The following URB2 variants were observed in gnomAD, a reference collection of about 807,000 sequenced individuals.
The protein encoded by URB2 is unhealthy ribosome biogenesis protein 2 homolog.
A neutral mutation model predicts 120.9 loss-of-function variants in URB2; 86 were observed. That is an observed-to-expected ratio of 0.71 (90% CI 0.60 to 0.85). The LOEUF (loss-of-function observed/expected upper bound fraction) is 0.85, where lower values mean the gene tolerates loss of function less well. URB2 is among the 40% of genes least tolerant of loss of function. URB2 has a pLI of 0.00. For synonymous variants in URB2, 755 were observed against 758.4 expected (o/e 1.00, Z 0.07); for missense variants, 1,765 against 1,836.5 (o/e 0.96, Z 0.71).
intron 9 of URB2, among the ~76,000 whole-genome samples, chr1:229,657,431 C>G (rs1666430617): frequency 6.6e-6 from 1 of 152,194 alleles, no homozygotes; most frequent in Non-Finnish European, 1.5e-5. Context: ...AGGTTCAAGT[C>G]TTAGCGCTGC....
intron 2 of URB2, among the ~76,000 whole-genome samples, chr1:229,630,963 CAA>C (rs1665648937): frequency 2.9e-5 from 3 of 102,420 alleles, no homozygotes; most frequent in African/African-American, 1.2e-4. Flanking sequence ...GCCTGGGTGA[CAA>C]GAGCGAAACT....
intron 3 of URB2, 81 bp from the exon 4 acceptor site, chr1:229,634,836 T>A: frequency 7.8e-7 from 1 of 1,285,198 alleles, no homozygotes; most frequent in Non-Finnish European, 1.0e-6. Context: ...GTGAGTTTGT[T>A]GATTTTTTTT....
chr1:229,631,003 A>G (rs1415718678), intron 2 of URB2, among the ~76,000 whole-genome samples: 1 of 150,946 alleles, frequency 6.6e-6, no homozygotes, highest in African/African-American at 2.4e-5. Flanking sequence ...AAAAAAAAAA[A>G]AAGAAAGTCC....
Position 229,654,237 on chromosome 1 carries a change from T to C in URB2, c.4238-12T>C, listed in dbSNP as rs774831166. On this transcript the variant is annotated splice_polypyrimidine_tract_variant and intron_variant, in intron 8 of 9. Transcript: ENST00000258243. ...TGAACTAATTGGTTGGGAAACACTT[T>C]GTTGTCTGTAGGAAGCATAGATGAC... 1 of 1,612,700 alleles carries C rather than the reference T, an allele frequency of 6.2e-7. No homozygotes were observed. The highest frequency in any genetic ancestry group is 1.1e-5 in the South Asian group (1 of 90,970).
In URB2 at chr1:229,654,235, T is replaced by A; in HGVS notation, c.4238-14T>A. ...TTTGAACTAATTGGTTGGGAAACAC[T>A]TTGTTGTCTGTAGGAAGCATAGATG... On this transcript the variant is annotated splice_polypyrimidine_tract_variant and intron_variant, in intron 8 of 9. Transcript: ENST00000258243. 6.2e-7 allele frequency: 1 copy of A among 1,612,546 alleles called. No individual in the cohort carries two copies.
At chr1:229,651,854 T>C (rs1393929122) in intron 8 of URB2, among the ~76,000 whole-genome samples, 1 of 152,204 alleles carries the variant, frequency 6.6e-6, no homozygotes. Flanking sequence ...TTGATTCTTG[T>C]TGAATTTCTA....
At chr1:229,632,228 C>G (rs775611355) in intron 2 of URB2, 41 bp from the exon 3 acceptor site, 2 of 1,476,494 alleles carry the variant, frequency 1.4e-6, no homozygotes, top group Admixed American at 2.6e-5. Context: ...TTTCTCTCAG[C>G]AAATAAATTT....
At position 229,643,790 on chromosome 1, in the gene URB2, A is replaced by T. The variant is rs1666069956; in HGVS notation, c.3795+97A>T. On this transcript the variant is annotated intron_variant, in intron 5 of 9. Transcript: ENST00000258243. ...GATGTGGTGTCACCCTTAAAACTAA[A>T]CAAGTTCTAACTGGTAGAGACTCTA... 2.0e-6 allele frequency: 3 copies of T among 1,465,864 alleles called. No individual in the cohort carries two copies. The East Asian group carries it at 6.9e-5, about 34-fold the overall frequency. 90.8% of individuals were successfully genotyped at this position (1,465,864 alleles called of 1,614,324 possible). A position where few individuals can be genotyped will look rare whatever the true frequency, so the allele number is the denominator to read the frequency against.
At chr1:229,638,801 C>T (rs1448150612) in intron 4 of URB2, among the ~76,000 whole-genome samples, 5 of 152,170 alleles carry the variant, frequency 3.3e-5, no homozygotes, top group Non-Finnish European at 5.9e-5. Flanking sequence ...CAGCCTCCTC[C>T]GTATGTTGCT....
intron 5 of URB2, 93 bp from the exon 6 acceptor site, chr1:229,645,766 C>T (rs1666129198): frequency 1.8e-6 from 2 of 1,115,368 alleles, no homozygotes; most frequent in South Asian, 1.3e-5. Flanking sequence ...CACTCCAACG[C>T]CACAGCCCCA....
chr1:229,636,869 C>T lies in URB2; in HGVS notation c.2256C>T (p.Ser752=), dbSNP rs746393159. The T allele has an allele frequency of 3.1e-6, 5 of 1,611,116 alleles. No individual in the cohort carries two copies. The Admixed American group carries it at 5.0e-5, about 16-fold the overall frequency. Residue 752 remains serine (S), a synonymous_variant, in exon 4 of 10, where the codon TCC becomes TCT. Transcript: ENST00000258243. ...TGTCAAATCTCACAATTTTAATATC[C>T]TATCTGTGTCCAGATGATGTGGGAT... ...LIVSNLTILI[S]YLCPDDVGYL...
intron 9 of URB2, among the ~76,000 whole-genome samples, chr1:229,658,588 T>C (rs1461893392): frequency 5.3e-5 from 8 of 152,156 alleles, no homozygotes; most frequent in Non-Finnish European, 1.2e-4. Flanking sequence ...GTGGTCTGTT[T>C]TGGTAGTTTC....
chr1:229,628,401 C>T (rs990370301), intron 2 of URB2, among the ~76,000 whole-genome samples: 11 of 151,644 alleles, frequency 7.3e-5, no homozygotes, highest in African/African-American at 2.4e-4. Flanking sequence ...CCAGCCTGGG[C>T]GATAGAGCAA....
chr1:229,637,703 C>T lies in URB2; in HGVS notation c.3090C>T (p.Leu1030=), dbSNP rs138096974. Residue 1030 remains leucine, a synonymous_variant, in exon 4 of 10, where the codon CTC becomes CTT. Transcript: ENST00000258243. ...VLNFRKITAF[L]SSSKPYTEAA... ...ATTTTAGAAAAATCACCGCATTCCT[C>T]TCTAGTTCCAAACCATACACGGAGG... 1 of 1,614,248 alleles carries T rather than the reference C, an allele frequency of 6.2e-7. No individual in the cohort carries two copies. Among genetic ancestry groups the T allele is most frequent in the Non-Finnish European group, 8.5e-7 (1 of 1,180,038 alleles).
rs1316218246 is a variant in URB2 at position 229,635,678 on chromosome 1, A to C, written c.1065A>C (p.Thr355=). Residue 355 remains threonine, a synonymous_variant, in exon 4 of 10, where the codon ACA becomes ACC. Transcript: ENST00000258243. ...SKALSTSDWT[T]ELLVVEQLLN... ...CCCTGTCCACATCAGATTGGACCAC[A>C]GAGCTTTTGGTTGTGGAACAGCTAC... 1.9e-6 allele frequency: 3 copies of C among 1,614,090 alleles called. No individual in the cohort carries two copies. The highest frequency in any genetic ancestry group is 1.3e-5 in the African/African-American group (1 of 74,948).
Position 229,632,378 on chromosome 1 carries a change from A to T in URB2, c.236A>T (p.His79Leu). The change falls in exon 3 of 10, where the codon CAT (histidine) becomes CTT (leucine). Residue 79 changes from histidine to leucine, a missense_variant. His to Leu is a moderately conservative substitution (Grantham distance 99). Transcript: ENST00000258243. ...RLWIYIDNILHSRKLQNLLKN... is the reference protein window; with the variant it reads ...RLWIYIDNILLSRKLQNLLKN... ...TGGATCTATATAGATAACATTTTACATAGCAGAAAATTGCAGAATCTCCTC... is the reference window on the plus strand; with the variant it reads ...TGGATCTATATAGATAACATTTTACTTAGCAGAAAATTGCAGAATCTCCTC... 1 of 1,586,996 alleles carries T rather than the reference A, an allele frequency of 6.3e-7. No individual in the cohort carries two copies. Among genetic ancestry groups the T allele is most frequent in the African/African-American group, 1.4e-5 (1 of 73,488 alleles).
At position 229,659,828 on chromosome 1, in the gene URB2, G is replaced by C. The variant is rs995613600; in HGVS notation, c.*531G>C. On this transcript the variant is annotated 3_prime_UTR_variant, in exon 10 of 10. Coordinates refer to ENST00000258243, the MANE Select transcript of URB2 (RefSeq NM_014777.4). Reference sequence around the variant, plus strand: ...TTAGAGTCTGTGGCCTGAGGTGTCTGCTCTGGGTGGCGATAGTGGGCACCT... The same window carrying C: ...TTAGAGTCTGTGGCCTGAGGTGTCTCCTCTGGGTGGCGATAGTGGGCACCT... 1 of 152,778 alleles carries C rather than the reference G, an allele frequency of 6.5e-6. No homozygotes were observed. Among genetic ancestry groups the C allele is most frequent in the Non-Finnish European group, 1.5e-5 (1 of 68,444 alleles). 9.5% of individuals were successfully genotyped at this position (152,778 alleles called of 1,614,324 possible). A position where few individuals can be genotyped will look rare whatever the true frequency, so the allele number is the denominator to read the frequency against.
chr1:229,635,406 G>T lies in URB2; in HGVS notation c.793G>T (p.Asp265Tyr). 1 of 1,614,068 alleles carries T rather than the reference G, an allele frequency of 6.2e-7. No individual in the cohort carries two copies. ...KEGLLDQQQG[D>Y]VKTGAMKNLL... is the part of the protein sequence containing the mutation. ...GGGGCTCTTGGACCAGCAGCAAGGG[G>T]ATGTGAAGACGGGAGCCATGAAGAA... The change falls in exon 4 of 10, where the codon GAT (aspartate) becomes TAT (tyrosine). Residue 265 changes from aspartate (D) to tyrosine (Y), a missense_variant. Coordinates refer to ENST00000258243, the MANE Select transcript of URB2 (RefSeq NM_014777.4).
rs777345928 is a variant in URB2 at position 229,636,986 on chromosome 1, A to G, written c.2373A>G (p.Ile791Met). The stretch of plus-strand genomic sequence containing the variant: ...AGGCATACATCACACTGGAAAAAAT[A>G]TCCAAAGCCTTCCTTCATAGCCCTC... ...DEEAYITLEKISKAFLHSPLF... is the reference protein window; with the variant it reads ...DEEAYITLEKMSKAFLHSPLF... The change falls in exon 4 of 10, where the codon ATA (isoleucine) becomes ATG (methionine). Residue 791 changes from isoleucine to methionine, a missense_variant. Ile to Met is a conservative substitution (Grantham distance 10). Transcript: ENST00000258243. 1 of 1,614,006 alleles carries G rather than the reference A, an allele frequency of 6.2e-7. No homozygotes were observed. The highest frequency in any genetic ancestry group is 1.3e-5 in the African/African-American group (1 of 74,958).
Sources: gnomAD v4.1 joint callset for allele counts (sites outside exome capture counted in the v4.1 genomes callset) on GRCh38, gnomAD v4.1.1 for gene constraint, MANE v1.5 for transcripts, NCBI Gene and HGNC (gene_info 2026-07-23, HGNC 2026-07-21) for gene names.